Variants in DGKD observed in about 807,000 individuals in gnomAD.
DGKD encodes diacylglycerol kinase delta, also known as DAG kinase delta.
A neutral mutation model predicts 154.4 loss-of-function variants in DGKD; 68 were observed. That is an observed-to-expected ratio of 0.44 (90% CI 0.36 to 0.54). DGKD has a LOEUF of 0.54. Ranked by LOEUF, DGKD falls within the 20% of genes least tolerant of loss-of-function variation. DGKD has a pLI of 0.00. For synonymous variants in DGKD, 693 were observed against 638.0 expected, an observed-to-expected ratio of 1.09 and a Z score of -1.30; for missense variants, 1,343 against 1,593.6, an observed-to-expected ratio of 0.84 and a Z score of 2.68.
At chr2:233,422,167 C>T (rs577905952) in intron 3 of DGKD, among the ~76,000 whole-genome samples, 4 of 152,210 alleles carry the variant, frequency 2.6e-5, no homozygotes, top group African/African-American at 4.8e-5. Flanking sequence ...TTGGTATTGC[C>T]GTAGTGGGTG....
Position 233,369,780 on chromosome 2 carries a change from A to G in DGKD, c.156+15106A>G, listed in dbSNP as rs373122675. Among the ~76,000 whole-genome samples, 36 of 152,192 alleles carry G rather than the reference A, an allele frequency of 2.4e-4. No individual in the cohort carries two copies. In the East Asian group the frequency reaches 3.7e-3, roughly 16 times the overall value. ...TCCCCTCACCTTGAATTCATGTGCA[A>G]TGGCCCCATTTTCCGTGTCCATGTG... On this transcript the variant is annotated intron_variant, in intron 1 of 29. Coordinates refer to ENST00000264057, the MANE Select transcript of DGKD (RefSeq NM_152879.3).
intron 5 of DGKD, 73 bp downstream of exon 5, chr2:233,434,974 A>C (rs1203124543): frequency 1.3e-6 from 2 of 1,548,370 alleles, no homozygotes; most frequent in Non-Finnish European, 8.7e-7. Flanking sequence ...TTGGAAATCC[A>C]AACCCAGTCA....
intron 4 of DGKD, 70 bp downstream of exon 4, chr2:233,434,554 G>A: frequency 2.0e-6 from 3 of 1,496,618 alleles, no homozygotes; most frequent in Non-Finnish European, 2.8e-6. Flanking sequence ...TGCTGTCTGA[G>A]TGTCTCCCAC....
At chr2:233,435,046 ATTC>A in intron 5 of DGKD, 145 bp downstream of exon 5, 1 of 1,153,882 alleles carries the variant, frequency 8.7e-7, no homozygotes, top group Non-Finnish European at 1.2e-6. Flanking sequence ...CTGTGATGCC[ATTC>A]TTGTTTATTT....
rs1223873684 is a variant in DGKD, at chr2:233,354,884, G to A, written c.156+210G>A. Among the ~76,000 whole-genome samples the A allele has an allele frequency of 1.4e-5, 2 of 145,370 alleles. No homozygotes were observed. The highest frequency in any genetic ancestry group is 3.1e-5 in the Non-Finnish European group (2 of 65,450). The stretch of plus-strand genomic sequence containing the variant: ...CGCGGCCCCCGACGGACGGCGGGCG[G>A]CTGTGGGGCCGGGCGGGGGGCGCGC... On this transcript the variant is annotated intron_variant, in intron 1 of 29. Coordinates refer to ENST00000264057, the MANE Select transcript of DGKD (RefSeq NM_152879.3). This position sits in a 1 kb window ranked among gnomAD's most constrained non-coding sequence, Gnocchi z 4.8.
chr2:233,425,347 T>C (rs1003683173), intron 3 of DGKD, among the ~76,000 whole-genome samples: 2 of 151,982 alleles, frequency 1.3e-5, no homozygotes, highest in Admixed American at 6.5e-5. Flanking sequence ...CCACCACGCC[T>C]GGCTAATTTT....
At position 233,441,621 on chromosome 2, in the gene DGKD, G is replaced by C. The variant is rs2062892722; in HGVS notation, c.1086-266G>C. Among the ~76,000 whole-genome samples the C allele has an allele frequency of 6.6e-6, 1 of 152,224 alleles. No homozygotes were observed. The highest frequency in any genetic ancestry group is 2.4e-5 in the African/African-American group (1 of 41,446). On this transcript the variant is annotated intron_variant, in intron 9 of 29. Transcript: ENST00000264057. This position sits in a 1 kb window ranked among gnomAD's most constrained non-coding sequence, Gnocchi z 5.6. ...CTGTGATGTCTGCAGAGCGTGCAGT[G>C]GCTCACCAAGCTGAGTGGTCTTGTC...
At position 233,460,646 on chromosome 2, in the gene DGKD, T is replaced by A. The variant is rs1007141330; in HGVS notation, c.2981+301T>A. Among the ~76,000 whole-genome samples the A allele has an allele frequency of 7.2e-5, 11 of 152,268 alleles. No individual in the cohort carries two copies. The Middle Eastern group carries it at 0.01, about 141-fold the overall frequency. ...TGGCTCACGCCTGTAATCCCAGCACTTTGGGAGGCCAAGGTGGGCAGATCA... is the reference window on the plus strand; with the variant it reads ...TGGCTCACGCCTGTAATCCCAGCACATTGGGAGGCCAAGGTGGGCAGATCA... On this transcript the variant is annotated intron_variant, in intron 24 of 29. Transcript: ENST00000264057.
intron 3 of DGKD, among the ~76,000 whole-genome samples, chr2:233,426,061 A>G (rs1408437697): frequency 6.6e-6 from 1 of 152,246 alleles, no homozygotes; most frequent in African/African-American, 2.4e-5. Flanking sequence ...TGAATCTGGT[A>G]GGTTAAAAAA....
At chr2:233,414,514 C>A (rs1244644903) in intron 3 of DGKD, among the ~76,000 whole-genome samples, 1 of 152,198 alleles carries the variant, frequency 6.6e-6, no homozygotes, top group Non-Finnish European at 1.5e-5. Flanking sequence ...CAGGGGGAGA[C>A]CACGGCATGC....
intron 3 of DGKD, among the ~76,000 whole-genome samples, chr2:233,418,945 GGTGT>G (rs1437125235): frequency 6.6e-6 from 1 of 152,152 alleles, no homozygotes; most frequent in East Asian, 1.9e-4. Flanking sequence ...TTTGTGTGGT[GGTGT>G]CTATTTTTGT....
intron 1 of DGKD, chr2:233,386,048 C>A: frequency 2.2e-6 from 1 of 463,814 alleles, no homozygotes; most frequent in Non-Finnish European, 4.5e-6. Context: ...TTTAATTTTG[C>A]TTTTCTTTTA....
chr2:233,451,963 G>C lies in DGKD; in HGVS notation c.2168-1G>C. The C allele has an allele frequency of 1.2e-6, 2 of 1,613,868 alleles. No individual in the cohort carries two copies. The highest frequency in any genetic ancestry group is 1.7e-6 in the Non-Finnish European group (2 of 1,179,830). On this transcript the variant is annotated splice_acceptor_variant, in intron 17 of 29. Coordinates refer to ENST00000264057, the MANE Select transcript of DGKD (RefSeq NM_152879.3). LOFTEE classifies it high-confidence loss of function. ...ACCTCTTTCTTGTATCTCCTTTACA[G>C]ATGTCCGGGCTGGAATGTCTGGTTC...
In DGKD at chr2:233,449,902, A is replaced by C; in HGVS notation, c.1889-80A>C. 6.8e-7 allele frequency: 1 copy of C among 1,476,512 alleles called. No individual in the cohort carries two copies. The highest frequency in any genetic ancestry group is 1.4e-5 in the South Asian group (1 of 73,020). The allele number at this position is 1,476,512 out of a possible 1,614,324, so 91.5% of individuals were successfully genotyped here. Reference sequence around the variant, plus strand: ...AGGAAGATCAGGCCGTGGGGTGAGGATGAGGGGCCCTCCACCCAGCCTGAC... The same window carrying C: ...AGGAAGATCAGGCCGTGGGGTGAGGCTGAGGGGCCCTCCACCCAGCCTGAC... On this transcript the variant is annotated intron_variant, in intron 15 of 29. Transcript: ENST00000264057. The surrounding 1 kb of genome is among the most constrained non-coding windows in gnomAD (Gnocchi z 5.3).
At chr2:233,390,794 G>C (rs1448277092) in intron 3 of DGKD, among the ~76,000 whole-genome samples, 1 of 152,110 alleles carries the variant, frequency 6.6e-6, no homozygotes, top group African/African-American at 2.4e-5. Flanking sequence ...GTGCAATGGC[G>C]TGATCTCCAG....
intron 1 of DGKD, among the ~76,000 whole-genome samples, chr2:233,385,445 CTG>C (rs1703121826): frequency 6.6e-6 from 1 of 152,162 alleles, no homozygotes; most frequent in Non-Finnish European, 1.5e-5. Context: ...TTTCTCGGTG[CTG>C]TGTGTGTTGC....
chr2:233,449,229 G>C lies in DGKD; in HGVS notation c.1741G>C (p.Gly581Arg). The part of the protein sequence containing the change: ...AEEAEDGDGS[G>R]SICGSTGDRL... ...GGAGGCTGAAGATGGAGATGGGTCG[G>C]GCAGCATCTGCGGTTCCACCGGAGA... The change falls in exon 15 of 30, where the codon GGC (glycine) becomes CGC (arginine). Residue 581 changes from glycine to arginine, a missense_variant. Gly to Arg is a moderately radical substitution (Grantham distance 125). This residue lies in a region of DGKD where 409 missense variants were observed against 446.0 expected (regional missense o/e 0.92). Transcript: ENST00000264057. This position sits in a 1 kb window ranked among gnomAD's most constrained non-coding sequence, Gnocchi z 5.3. The C allele has an allele frequency of 6.2e-7, 1 of 1,613,862 alleles. No homozygotes were observed. Among genetic ancestry groups the C allele is most frequent in the South Asian group, 1.1e-5 (1 of 91,086 alleles).
intron 1 of DGKD, among the ~76,000 whole-genome samples, chr2:233,355,852 T>G (rs1428885863): frequency 6.6e-6 from 1 of 152,228 alleles, no homozygotes; most frequent in African/African-American, 2.4e-5. Flanking sequence ...TTAGTACTGG[T>G]GAGAACCCAA....
At chr2:233,381,082 C>A (rs748662705) in intron 1 of DGKD, among the ~76,000 whole-genome samples, 1 of 152,172 alleles carries the variant, frequency 6.6e-6, no homozygotes, top group African/African-American at 2.4e-5. Flanking sequence ...TCCTTTCTGT[C>A]AGAGTTAGCA....
Sources: allele counts gnomAD v4.1 joint callset (sites outside exome capture counted in the v4.1 genomes callset), GRCh38; gene constraint gnomAD v4.1.1; regional missense constraint gnomAD v4.1.1; non-coding constraint Gnocchi (gnomAD v3.1); transcripts MANE v1.5; gene names NCBI Gene and HGNC (gene_info 2026-07-23, HGNC 2026-07-21).